Variants in KMT2E observed in about 807,000 individuals in gnomAD.
KMT2E encodes the protein histone reader KMT2E.
In KMT2E, 30 loss-of-function variants were observed where a neutral mutation model predicts 184.6. That is an observed-to-expected ratio of 0.16 (90% CI 0.12 to 0.22). The LOEUF (loss-of-function observed/expected upper bound fraction) is 0.22, where lower values mean the gene tolerates loss of function less well. Among genes scored for constraint, KMT2E ranks in the 10% least tolerant of loss-of-function variants. KMT2E has a pLI of 1.00. For synonymous variants in KMT2E, 815 were observed against 776.5 expected, an observed-to-expected ratio of 1.05 and a Z score of -0.82; for missense variants, 2,023 against 2,237.4, an observed-to-expected ratio of 0.90 and a Z score of 1.93.
intron 1 of KMT2E, among the ~76,000 whole-genome samples, chr7:105,037,360 C>CT (rs906984075): frequency 1.2e-4 from 18 of 151,176 alleles, no homozygotes; most frequent in East Asian, 3.9e-4. Flanking sequence ...TTTTTGTTTT[C>CT]TTTTTTTTGT....
chr7:105,107,446 A>G lies in KMT2E; in HGVS notation c.2989A>G (p.Thr997Ala). The change falls in exon 22 of 27, where the codon ACT becomes GCT. Residue 997 changes from threonine to alanine, a missense_variant. Physicochemically the swap from Thr to Ala is moderately conservative, Grantham distance 58 (BLOSUM62 0). Transcript: ENST00000311117. Reference sequence around the variant, plus strand: ...TGAACTGGGTCTGCAAGAAATAAAGACTATTGGTTATACGAGCCCTAGGAG... The same window carrying G: ...TGAACTGGGTCTGCAAGAAATAAAGGCTATTGGTTATACGAGCCCTAGGAG... ...LTELGLQEIKTIGYTSPRSRT... is the reference protein window; with the variant it reads ...LTELGLQEIKAIGYTSPRSRT... 1 of 1,613,828 alleles carries G rather than the reference A, an allele frequency of 6.2e-7. No individual in the cohort carries two copies. The highest frequency in any genetic ancestry group is 8.5e-7 in the Non-Finnish European group (1 of 1,179,898).
intron 15 of KMT2E, among the ~76,000 whole-genome samples, chr7:105,093,966 A>C (rs1385203923): frequency 1.3e-5 from 2 of 152,200 alleles, no homozygotes; most frequent in Non-Finnish European, 2.9e-5. Flanking sequence ...AAGGATATGA[A>C]ATTAAAATCT....
intron 7 of KMT2E, among the ~76,000 whole-genome samples, chr7:105,074,403 T>C (rs1797447387): frequency 6.6e-6 from 1 of 152,208 alleles, no homozygotes; most frequent in African/African-American, 2.4e-5. Flanking sequence ...GAGAGTGCTG[T>C]TTCCCACAGG....
At chr7:105,087,359 CTTTATATT>C in intron 13 of KMT2E, among the ~76,000 whole-genome samples, 1 of 147,190 alleles carries the variant, frequency 6.8e-6, no homozygotes, top group Non-Finnish European at 1.5e-5. Flanking sequence ...AATGGCATCT[CTTTATATT>C]AATATTTTTA....
intron 5 of KMT2E, among the ~76,000 whole-genome samples, chr7:105,065,340 C>A (rs1562902089): frequency 1.3e-5 from 2 of 152,078 alleles, no homozygotes; most frequent in African/African-American, 4.8e-5. Context: ...GTTATTCTAA[C>A]CCTTGTCATT....
At chr7:105,040,265 TA>T in intron 2 of KMT2E, among the ~76,000 whole-genome samples, 1 of 152,202 alleles carries the variant, frequency 6.6e-6, no homozygotes, top group East Asian at 1.9e-4. Flanking sequence ...AAGTTATTTT[TA>T]AACCATGTGT....
At chr7:105,100,667 G>C (rs1798615760) in intron 15 of KMT2E, among the ~76,000 whole-genome samples, 1 of 152,144 alleles carries the variant, frequency 6.6e-6, no homozygotes, top group South Asian at 2.1e-4. Context: ...AAGAGCAGAA[G>C]GTAGAGGAAT....
intron 1 of KMT2E, among the ~76,000 whole-genome samples, chr7:105,028,255 G>A (rs1290109860): frequency 3.4e-5 from 5 of 147,304 alleles, no homozygotes; most frequent in African/African-American, 7.6e-5. Context: ...TGCAACCTCC[G>A]CCTCCTGTGT....
chr7:105,071,297 T>C (rs1797275422), intron 6 of KMT2E, among the ~76,000 whole-genome samples: 1 of 152,054 alleles, frequency 6.6e-6, no homozygotes, highest in Admixed American at 6.6e-5. Context: ...GTGATAAATG[T>C]ATATATAAAA....
At position 105,112,916 on chromosome 7, in the gene KMT2E, G is replaced by A. The variant is rs765627418; in HGVS notation, c.5160G>A (p.Pro1720=). ...VVNSAPPPPP[P]PPPSSVLASG... The stretch of plus-strand genomic sequence containing the variant: ...ATTCAGCACCCCCACCACCCCCTCC[G>A]CCGCCACCTTCCAGTGTTTTGGCTT... The change falls in exon 27 of 27, where the codon CCG becomes CCA. Residue 1720 remains proline, a synonymous_variant. Transcript: ENST00000311117. The A allele has an allele frequency of 2.9e-5, 46 of 1,606,224 alleles. No homozygotes were observed. The highest frequency in any genetic ancestry group is 3.7e-5 in the Non-Finnish European group (43 of 1,176,772).
chr7:105,098,859 A>T (rs896517635), intron 15 of KMT2E, among the ~76,000 whole-genome samples: 3 of 152,226 alleles, frequency 2.0e-5, no homozygotes, highest in African/African-American at 7.2e-5. Flanking sequence ...TGGGAAATCT[A>T]TCGAGTTTAG....
chr7:105,091,653 G>T (rs1282633741), intron 15 of KMT2E: 16 of 348,464 alleles, frequency 4.6e-5, no homozygotes, highest in Non-Finnish European at 6.2e-5. Flanking sequence ...ATCCTCTCAT[G>T]ATTTGAAATA....
rs370675520 is a variant in KMT2E at position 105,091,250 on chromosome 7, C to G, written c.1658C>G (p.Thr553Ser). 10 of 1,594,882 alleles carry G rather than the reference C, an allele frequency of 6.3e-6. No individual in the cohort carries two copies. The highest frequency in any genetic ancestry group is 8.6e-6 in the Non-Finnish European group (10 of 1,163,812). ...TTTATTGATGATATAGAAGAAAAAACTCCTATTAGTAATGAAGTAGAAATG... is the reference window on the plus strand; with the variant it reads ...TTTATTGATGATATAGAAGAAAAAAGTCCTATTAGTAATGAAGTAGAAATG... ...PDFIDDIEEKTPISNEVEMES... is the reference protein window; with the variant it reads ...PDFIDDIEEKSPISNEVEMES... The change falls in exon 15 of 27, where the codon ACT (threonine) becomes AGT (serine). Residue 553 changes from threonine (T) to serine (S), a missense_variant. Physicochemically the swap from Thr to Ser is moderately conservative, Grantham distance 58. Coordinates refer to ENST00000311117, the MANE Select transcript of KMT2E (RefSeq NM_182931.3).
chr7:105,105,337 TATC>T (rs1358239424), intron 17 of KMT2E, 99 bp from the exon 18 acceptor site: 2 of 821,932 alleles, frequency 2.4e-6, no homozygotes, highest in Non-Finnish European at 3.7e-6. Flanking sequence ...TTACCCAATT[TATC>T]ATTTTAGATA....
At chr7:105,089,128 T>C (rs940341023) in intron 13 of KMT2E, 3 of 283,904 alleles carry the variant, frequency 1.1e-5, no homozygotes, top group African/African-American at 7.0e-5. Flanking sequence ...TGTGTTTGTT[T>C]TTTTCTTCTT....
At chr7:105,060,806 A>G (rs1326898709) in intron 3 of KMT2E, among the ~76,000 whole-genome samples, 1 of 152,166 alleles carries the variant, frequency 6.6e-6, no homozygotes, top group African/African-American at 2.4e-5. Flanking sequence ...TATTCAGTGC[A>G]TTGTGTTACC....
intron 1 of KMT2E, among the ~76,000 whole-genome samples, chr7:105,034,093 A>G (rs186049998): frequency 1.3e-5 from 2 of 152,156 alleles, no homozygotes; most frequent in Admixed American, 6.5e-5. Flanking sequence ...AAGGCTCCAC[A>G]TCGTAACCTT....
chr7:105,046,851 A>T (rs533338581), intron 3 of KMT2E, among the ~76,000 whole-genome samples: 1 of 152,380 alleles, frequency 6.6e-6, no homozygotes, highest in African/African-American at 2.4e-5. Flanking sequence ...CAAAATTGCC[A>T]TTAAAATAGT....
chr7:105,107,553 A>G lies in KMT2E; in HGVS notation c.3096A>G (p.Pro1032=), dbSNP rs781212955. ...AGCTAGGACTCGATGCAGTTGAGCC[A>G]ACTGCCCTACATAAAACCCTGGAAA... The part of the protein sequence containing the change: ...DLQLGLDAVE[P]TALHKTLETP... Residue 1032 remains proline (P), a synonymous_variant, in exon 22 of 27, where the codon CCA becomes CCG. Coordinates refer to ENST00000311117, the MANE Select transcript of KMT2E (RefSeq NM_182931.3). The G allele has an allele frequency of 6.2e-7, 1 of 1,614,124 alleles. No individual in the cohort carries two copies. Among genetic ancestry groups the G allele is most frequent in the South Asian group, 1.1e-5 (1 of 91,072 alleles).
Sources: allele counts gnomAD v4.1 joint callset (sites outside exome capture counted in the v4.1 genomes callset), GRCh38; gene constraint gnomAD v4.1.1; transcripts MANE v1.5; gene names NCBI Gene and HGNC (gene_info 2026-07-23, HGNC 2026-07-21).